NFAM1: variants seen among roughly 807,000 people sequenced by gnomAD.
NFAM1 encodes the protein NFAT activating protein with ITAM motif 1, also known as NFAT activation molecule 1.
NFAM1 carries 17 observed loss-of-function variants against 29.0 expected under a neutral mutation model. That is an observed-to-expected ratio of 0.59 (90% CI 0.40 to 0.88). NFAM1 has a LOEUF of 0.88. Among genes scored for constraint, NFAM1 ranks in the 40% least tolerant of loss-of-function variants. NFAM1 has a pLI of 0.00. For missense variants in NFAM1, 324 were observed against 344.6 expected (o/e 0.94, Z 0.47); for synonymous variants, 175 against 147.2 (o/e 1.19, Z -1.36).
At chr22:42,433,729 C>T (rs118045510), upstream of NFAM1, among the ~76,000 whole-genome samples, 88 of 152,276 alleles carry the variant, frequency 5.8e-4, no homozygotes, top group East Asian at 7.7e-3. Flanking sequence ...TTTCCTACCG[C>T]GCAGGGGGCA....
At chr22:42,431,134 C>A (rs1283329411) in intron 1 of NFAM1, among the ~76,000 whole-genome samples, 2 of 152,142 alleles carry the variant, frequency 1.3e-5, no homozygotes. Flanking sequence ...GGGGCTGAGG[C>A]TGGCCTGGGG....
In NFAM1 at chr22:42,388,562, G is replaced by C. The variant is rs535971204; in HGVS notation, c.664-1484C>G. On this transcript the variant is annotated intron_variant, in intron 4 of 5. Coordinates refer to ENST00000329021, the MANE Select transcript of NFAM1 (RefSeq NM_145912.8). The surrounding 1 kb of genome is among the most constrained non-coding windows in gnomAD (Gnocchi z 4.1). ...ATGCCGGCTGGTTGCCAAGGAGGCG[G>C]TTTCCCTGGCAACAGGCAAGCAGGG... Among the ~76,000 whole-genome samples, 3 of 151,480 alleles carry C rather than the reference G, an allele frequency of 2.0e-5. No homozygotes were observed. Among genetic ancestry groups the C allele is most frequent in the African/African-American group, 7.2e-5 (3 of 41,404 alleles).
Position 42,432,359 on chromosome 22 carries a change from T to G in NFAM1, c.-2A>C. 1 of 1,568,472 alleles carries G rather than the reference T, an allele frequency of 6.4e-7. No homozygotes were observed. The highest frequency in any genetic ancestry group is 8.6e-7 in the Non-Finnish European group (1 of 1,159,316). ...CCACCTCACAGGCTGGTTCTCCATC[T>G]GGGGGCCTGCTTGTCTGCGGCGACT... On this transcript the variant is annotated 5_prime_UTR_variant, in exon 1 of 6. Transcript: ENST00000329021.
At chr22:42,389,563 A>C in intron 4 of NFAM1, among the ~76,000 whole-genome samples, 1 of 150,138 alleles carries the variant, frequency 6.7e-6, no homozygotes. Context: ...GGGAGATTGC[A>C]CAGGCCTTGG....
intron 1 of NFAM1, among the ~76,000 whole-genome samples, chr22:42,430,323 G>A (rs924285790): frequency 6.6e-6 from 1 of 152,176 alleles, no homozygotes; most frequent in African/African-American, 2.4e-5. Context: ...ACTTTGGGAG[G>A]CTGAGGCGGG....
intron 1 of NFAM1, among the ~76,000 whole-genome samples, chr22:42,420,296 A>AC (rs1444981917): frequency 2.6e-5 from 4 of 151,402 alleles, no homozygotes; most frequent in Admixed American, 1.3e-4. Flanking sequence ...ATATAGTGAG[A>AC]CCCCATCTCT....
At chr22:42,425,972 A>G (rs1930609038) in intron 1 of NFAM1, among the ~76,000 whole-genome samples, 1 of 152,010 alleles carries the variant, frequency 6.6e-6, no homozygotes, top group Non-Finnish European at 1.5e-5. Context: ...GTACTACAGA[A>G]GAGCCTATGA....
rs1930353880 is a variant in NFAM1, at chr22:42,419,162, TG to T, written c.122-7427del. 6.6e-6 allele frequency among the ~76,000 whole-genome samples: 1 copy of T among 152,158 alleles called. No homozygotes were observed. The highest frequency in any genetic ancestry group is 2.1e-4 in the South Asian group (1 of 4,832). ...GTGTGCCCACCTGGCAGCTTTCCTGTGGATCACTGATGTTCAGGATCAGACC... is the reference window on the plus strand; with the variant it reads ...GTGTGCCCACCTGGCAGCTTTCCTGTGATCACTGATGTTCAGGATCAGACC... On this transcript the variant is annotated intron_variant, in intron 1 of 5. Transcript: ENST00000329021. This position sits in a 1 kb window ranked among gnomAD's most constrained non-coding sequence, Gnocchi z 4.5.
chr22:42,380,594 C>G lies in NFAM1; in HGVS notation c.*4567G>C, dbSNP rs1475069933. On this transcript the variant is annotated 3_prime_UTR_variant, in exon 6 of 6. Transcript: ENST00000329021. Reference sequence around the variant, plus strand: ...AGGGAAGGGAGACTGGGGAAGCCCCCTCAGGTGGACAAATGACATCCCCTG... The same window carrying G: ...AGGGAAGGGAGACTGGGGAAGCCCCGTCAGGTGGACAAATGACATCCCCTG... The G allele has an allele frequency of 6.5e-6, 1 of 152,676 alleles. No homozygotes were observed. The highest frequency in any genetic ancestry group is 1.5e-5 in the Non-Finnish European group (1 of 68,066). 9.5% of individuals were successfully genotyped at this position (152,676 alleles called of 1,614,324 possible).
At chr22:42,431,335 G>A (rs1044166004) in intron 1 of NFAM1, among the ~76,000 whole-genome samples, 1 of 152,206 alleles carries the variant, frequency 6.6e-6, no homozygotes, top group Non-Finnish European at 1.5e-5. Context: ...AGGGGGTGCA[G>A]CAGGACAGGG....
chr22:42,393,082 T>A (rs1419594781), intron 4 of NFAM1, among the ~76,000 whole-genome samples: 1 of 151,994 alleles, frequency 6.6e-6, no homozygotes, highest in Non-Finnish European at 1.5e-5. Flanking sequence ...AAGTTTTTTT[T>A]AAAACAAATT....
Position 42,405,592 on chromosome 22 carries a change from G to A in NFAM1, c.564+3843C>T, listed in dbSNP as rs962776818. Among the ~76,000 whole-genome samples, 16 of 152,324 alleles carry A rather than the reference G, an allele frequency of 1.1e-4. No individual in the cohort carries two copies. In the East Asian group the frequency reaches 1.4e-3, roughly 13 times the overall value. ...CCGGGCACATGGCAGGTGCATACTC[G>A]TGCTGGCTTGGGGAGGGAGGCAGCC... On this transcript the variant is annotated intron_variant, in intron 3 of 5. Transcript: ENST00000329021.
chr22:42,405,452 C>T (rs941202508), intron 3 of NFAM1, among the ~76,000 whole-genome samples: 1 of 152,084 alleles, frequency 6.6e-6, no homozygotes, highest in Non-Finnish European at 1.5e-5. Context: ...GGGGACTGCT[C>T]GGTAGTGAAC....
intron 5 of NFAM1, among the ~76,000 whole-genome samples, chr22:42,386,089 T>C (rs572248868): frequency 6.6e-6 from 1 of 152,182 alleles, no homozygotes; most frequent in South Asian, 2.1e-4. Context: ...AGAGAGAAAG[T>C]ATGGGCCGGG....
rs375365257 is a variant in NFAM1 at position 42,402,177 on chromosome 22, G to A, written c.565-4221C>T. Among the ~76,000 whole-genome samples, 56 of 152,356 alleles carry A rather than the reference G, an allele frequency of 3.7e-4. 1 individual carries two copies. Among genetic ancestry groups the A allele is most frequent in the Admixed American group, 6.5e-4 (10 of 15,306 alleles). ...AAGCCCCGGGGAAGGGGCTGGATCCGGGACAGACTGAGTGCAGGGCTTGCT... is the reference window on the plus strand; with the variant it reads ...AAGCCCCGGGGAAGGGGCTGGATCCAGGACAGACTGAGTGCAGGGCTTGCT... On this transcript the variant is annotated intron_variant, in intron 3 of 5. Coordinates refer to ENST00000329021, the MANE Select transcript of NFAM1 (RefSeq NM_145912.8).
chr22:42,416,239 A>G (rs1196216684), intron 1 of NFAM1, among the ~76,000 whole-genome samples: 1 of 152,186 alleles, frequency 6.6e-6, no homozygotes, highest in Non-Finnish European at 1.5e-5. Flanking sequence ...AGGAAGTCGA[A>G]GCAGGAGGAT....
upstream of NFAM1, among the ~76,000 whole-genome samples, chr22:42,434,612 A>G (rs1257357558): frequency 6.6e-6 from 1 of 152,184 alleles, no homozygotes; most frequent in East Asian, 1.9e-4. Context: ...GGGGATAGAA[A>G]TAAAACCGCA....
chr22:42,407,118 T>C (rs114933205), intron 3 of NFAM1, among the ~76,000 whole-genome samples: 3,790 of 141,412 alleles, frequency 0.027, 174 homozygotes, highest in African/African-American at 0.098. Flanking sequence ...CTCGCTGTGT[T>C]GCCCAGGGGC....
upstream of NFAM1, among the ~76,000 whole-genome samples, chr22:42,435,690 C>T (rs763798890): frequency 1.8e-4 from 28 of 152,136 alleles, no homozygotes; most frequent in Non-Finnish European, 3.2e-4. Flanking sequence ...TATTATGTGC[C>T]TACTGCGTGC....
Sources: gnomAD v4.1 joint callset for allele counts (sites outside exome capture counted in the v4.1 genomes callset) on GRCh38, gnomAD v4.1.1 for gene constraint, Gnocchi (gnomAD v3.1) non-coding constraint, MANE v1.5 for transcripts, NCBI Gene and HGNC (gene_info 2026-07-23, HGNC 2026-07-21) for gene names.